CHD9: variants seen among roughly 807,000 people sequenced by gnomAD.
The protein encoded by CHD9 is chromodomain helicase DNA binding protein 9, also known as ATP-dependent chromatin remodeler CHD9.
In CHD9, 77 loss-of-function variants were observed where a neutral mutation model predicts 316.1. The observed-to-expected ratio is 0.24, with a 90% CI of 0.20 to 0.29. The LOEUF (loss-of-function observed/expected upper bound fraction) is 0.29, where lower values mean the gene tolerates loss of function less well. CHD9 is among the 10% of genes least tolerant of loss of function. The pLI is 1.00. For synonymous variants in CHD9, 1,129 were observed against 1,158.3 expected, an observed-to-expected ratio of 0.97 and a Z score of 0.51; for missense variants, 2,763 against 3,438.1, an observed-to-expected ratio of 0.80 and a Z score of 4.91.
intron 4 of CHD9, among the ~76,000 whole-genome samples, chr16:53,225,001 C>T (rs1163030132): frequency 6.6e-6 from 1 of 152,070 alleles, no homozygotes; most frequent in Non-Finnish European, 1.5e-5. Context: ...AAGAGACATT[C>T]GACCCATCCT....
chr16:53,088,403 G>A (rs568172987), intron 1 of CHD9, among the ~76,000 whole-genome samples: 97 of 148,438 alleles, frequency 6.5e-4, no homozygotes, highest in Non-Finnish European at 1.1e-3. Flanking sequence ...TTAGCCTCCC[G>A]AGTAGCTGGG....
At chr16:53,284,386 A>G (rs1479766838) in intron 24 of CHD9, among the ~76,000 whole-genome samples, 1 of 151,620 alleles carries the variant, frequency 6.6e-6, no homozygotes, top group Non-Finnish European at 1.5e-5. Flanking sequence ...TTGTGTATGT[A>G]TATATAAATA....
chr16:53,177,620 T>C (rs1000785153), intron 2 of CHD9, among the ~76,000 whole-genome samples: 4 of 152,222 alleles, frequency 2.6e-5, no homozygotes, highest in African/African-American at 9.7e-5. Context: ...TTTCTATTGC[T>C]CTTGTTATTA....
chr16:53,225,012 ACATGAGG>A (rs1567512984), intron 4 of CHD9, among the ~76,000 whole-genome samples: 1 of 152,128 alleles, frequency 6.6e-6, no homozygotes. Flanking sequence ...GACCCATCCT[ACATGAGG>A]CATGGTGTTA....
intron 1 of CHD9, among the ~76,000 whole-genome samples, chr16:53,111,041 T>G (rs959202801): frequency 6.6e-6 from 1 of 152,134 alleles, no homozygotes; most frequent in Non-Finnish European, 1.5e-5. Flanking sequence ...ACCAATAGAT[T>G]ATTGTGGAGT....
intron 3 of CHD9, among the ~76,000 whole-genome samples, chr16:53,217,192 C>T (rs532336948): frequency 6.6e-6 from 1 of 152,168 alleles, no homozygotes; most frequent in South Asian, 2.1e-4. Context: ...ACATACTGGC[C>T]AGTTATTCTG....
intron 26 of CHD9, 105 bp downstream of exon 26, chr16:53,286,448 G>T: frequency 1.6e-6 from 1 of 635,864 alleles, no homozygotes; most frequent in South Asian, 2.1e-5. Context: ...AGCAGTAAGG[G>T]AATTGGAGTT....
At chr16:53,293,090 A>G in intron 29 of CHD9, 38 bp downstream of exon 29, 1 of 1,501,260 alleles carries the variant, frequency 6.7e-7, no homozygotes, top group South Asian at 1.2e-5. Context: ...GTATTGTCTA[A>G]ATGTAGCTGT....
intron 2 of CHD9, among the ~76,000 whole-genome samples, chr16:53,161,660 G>C (rs915886914): frequency 2.6e-5 from 4 of 152,176 alleles, no homozygotes; most frequent in Non-Finnish European, 5.9e-5. Flanking sequence ...TTAACCTACT[G>C]TTTAAAAAAC....
chr16:53,267,894 C>G (rs774931277), intron 21 of CHD9, 33 bp from the exon 22 acceptor site: 1 of 1,564,714 alleles, frequency 6.4e-7, no homozygotes. Context: ...GAACTTGACT[C>G]AATATCAATG....
intron 1 of CHD9, among the ~76,000 whole-genome samples, chr16:53,083,165 G>A (rs1044736750): frequency 6.6e-6 from 1 of 152,206 alleles, no homozygotes; most frequent in Non-Finnish European, 1.5e-5. Flanking sequence ...ATTTCCTGAA[G>A]TATGAGAAAC....
intron 11 of CHD9, among the ~76,000 whole-genome samples, chr16:53,237,633 C>A (rs1390096711): frequency 1.3e-5 from 2 of 152,138 alleles, no homozygotes; most frequent in Non-Finnish European, 1.5e-5. Context: ...TCATTACTGA[C>A]CTCCTTTCTG....
intron 1 of CHD9, chr16:53,121,167 T>C (rs1212554512): frequency 3.0e-6 from 1 of 329,000 alleles, no homozygotes; most frequent in Non-Finnish European, 6.0e-6. Flanking sequence ...ATCTATCTTG[T>C]TCATTGTTGT....
intron 2 of CHD9, 75 bp from the exon 3 acceptor site, chr16:53,209,407 G>T (rs2046148966): frequency 9.6e-7 from 1 of 1,043,102 alleles, no homozygotes; most frequent in African/African-American, 1.6e-5. Flanking sequence ...CATAATTTAA[G>T]ATTTTCAGAT....
intron 4 of CHD9, among the ~76,000 whole-genome samples, chr16:53,226,136 A>T (rs2047632859): frequency 6.6e-6 from 1 of 152,100 alleles, no homozygotes. Flanking sequence ...AAGTATTACT[A>T]ATATTTGTTG....
intron 2 of CHD9, among the ~76,000 whole-genome samples, chr16:53,202,846 C>A (rs1305484281): frequency 6.6e-6 from 1 of 151,910 alleles, no homozygotes; most frequent in Non-Finnish European, 1.5e-5. Flanking sequence ...CGAAAATAAA[C>A]CTTTTAATTT....
At chr16:53,149,488 A>C (rs895357996) in intron 1 of CHD9, among the ~76,000 whole-genome samples, 51 of 151,490 alleles carry the variant, frequency 3.4e-4, no homozygotes, top group African/African-American at 1.2e-3. Context: ...TTGTTATATC[A>C]TATTGGTAGA....
At chr16:53,297,340 A>G (rs1359891121) in intron 30 of CHD9, among the ~76,000 whole-genome samples, 182 bp downstream of exon 30, 2 of 152,228 alleles carry the variant, frequency 1.3e-5, no homozygotes, top group Admixed American at 6.5e-5. Context: ...TCCTGCTATT[A>G]AAACGAGATC....
chr16:53,148,199 T>G (rs1019437669), intron 1 of CHD9, among the ~76,000 whole-genome samples: 1 of 152,154 alleles, frequency 6.6e-6, no homozygotes, highest in African/African-American at 2.4e-5. Flanking sequence ...AGAGTGAGAC[T>G]CTGCCTCCAA....
Sources: gnomAD v4.1 joint callset for allele counts (sites outside exome capture counted in the v4.1 genomes callset) on GRCh38, gnomAD v4.1.1 for gene constraint, MANE v1.5 for transcripts, NCBI Gene and HGNC (gene_info 2026-07-23, HGNC 2026-07-21) for gene names.